The following LRRIQ3 variants were observed in gnomAD, a reference collection of about 807,000 sequenced individuals.
The protein encoded by LRRIQ3 is leucine-rich repeat and IQ domain-containing protein 3.
LRRIQ3 carries 75 observed loss-of-function variants against 59.3 expected under a neutral mutation model. The observed-to-expected ratio is 1.26, with a 90% CI of 1.05 to 1.53. The LOEUF (loss-of-function observed/expected upper bound fraction) is 1.53. Ranked by LOEUF, LRRIQ3 falls within the 40% of genes most tolerant of loss-of-function variation. LRRIQ3 has a pLI of 0.00. For synonymous variants in LRRIQ3, 250 were observed against 231.3 expected, an observed-to-expected ratio of 1.08 and a Z score of -0.73; for missense variants, 831 against 710.0, an observed-to-expected ratio of 1.17 and a Z score of -1.94.
chr1:74,143,832 G>C (rs1416635372), intron 4 of LRRIQ3, among the ~76,000 whole-genome samples: 1 of 151,306 alleles, frequency 6.6e-6, no homozygotes, highest in Non-Finnish European at 1.5e-5. Flanking sequence ...CTAAAAAGTT[G>C]CATATAATGC....
At chr1:74,136,996 T>C (rs1209904107) in intron 4 of LRRIQ3, among the ~76,000 whole-genome samples, 3 of 152,014 alleles carry the variant, frequency 2.0e-5, no homozygotes, top group Non-Finnish European at 4.4e-5. Context: ...TTAAGTATTT[T>C]ACAAGTATAA....
intron 5 of LRRIQ3, among the ~76,000 whole-genome samples, chr1:74,079,314 G>A (rs1215587772): frequency 6.6e-6 from 1 of 151,428 alleles, no homozygotes; most frequent in African/African-American, 2.4e-5. Context: ...TAGATTTAAT[G>A]CAGACTCTTG....
chr1:74,036,165 A>T (rs553715274), intron 7 of LRRIQ3, among the ~76,000 whole-genome samples: 8 of 152,136 alleles, frequency 5.3e-5, no homozygotes, highest in Non-Finnish European at 7.4e-5. Context: ...AATATGGCAC[A>T]TTGGCACACT....
In LRRIQ3 at chr1:74,070,114, A is replaced by T. The variant is rs150753582; in HGVS notation, c.997+4547T>A. On this transcript the variant is annotated intron_variant, in intron 6 of 7. Transcript: ENST00000354431. ...AATTACTATTTGGCCTAGCAATTCC[A>T]TTATTGGACATTGGACATATACCCA... 2.6e-5 allele frequency among the ~76,000 whole-genome samples: 4 copies of T among 152,222 alleles called. No individual in the cohort carries two copies. In the East Asian group the frequency reaches 7.7e-4, roughly 29 times the overall value.
chr1:74,103,187 T>A (rs938494832), intron 5 of LRRIQ3, among the ~76,000 whole-genome samples: 1 of 151,936 alleles, frequency 6.6e-6, no homozygotes, highest in Admixed American at 6.6e-5. Context: ...ACTTCATTGT[T>A]TATATTTCCC....
chr1:74,052,627 C>G (rs779402168), intron 6 of LRRIQ3, among the ~76,000 whole-genome samples: 9 of 152,082 alleles, frequency 5.9e-5, no homozygotes, highest in Non-Finnish European at 1.0e-4. Context: ...ACACTCTGGG[C>G]AGAGAGCGGT....
intron 4 of LRRIQ3, among the ~76,000 whole-genome samples, chr1:74,130,978 C>T (rs1214114376): frequency 1.3e-5 from 2 of 151,914 alleles, no homozygotes; most frequent in Non-Finnish European, 2.9e-5. Flanking sequence ...AATTGATAGA[C>T]CACCAGCAAG....
intron 7 of LRRIQ3, among the ~76,000 whole-genome samples, chr1:74,040,578 C>G (rs2100385881): frequency 6.6e-6 from 1 of 152,250 alleles, no homozygotes; most frequent in East Asian, 1.9e-4. Flanking sequence ...GAACTGAAAT[C>G]ATAGCAAACA....
Position 74,121,830 on chromosome 1 carries a change from A to G in LRRIQ3, c.708-12277T>C, listed in dbSNP as rs565365349. On this transcript the variant is annotated intron_variant, in intron 4 of 7. Coordinates refer to ENST00000354431, the MANE Select transcript of LRRIQ3 (RefSeq NM_001105659.2). ...TTCCCACCTATGAGTGAGAACATGC[A>G]GTTTTTGGTTTTTTGTCCTTGCGAC... Among the ~76,000 whole-genome samples the G allele has an allele frequency of 3.3e-3, 477 of 144,896 alleles. 1 individual carries two copies. Among genetic ancestry groups the G allele is most frequent in the Non-Finnish European group, 5.2e-3 (349 of 67,016 alleles).
intron 4 of LRRIQ3, among the ~76,000 whole-genome samples, chr1:74,127,103 T>C (rs1646946707): frequency 6.6e-6 from 1 of 151,992 alleles, no homozygotes; most frequent in South Asian, 2.1e-4. Flanking sequence ...CATTATATAA[T>C]AACCTTCTTT....
chr1:74,085,570 T>C (rs539487066), intron 5 of LRRIQ3, among the ~76,000 whole-genome samples: 3 of 151,968 alleles, frequency 2.0e-5, no homozygotes, highest in South Asian at 2.1e-4. Flanking sequence ...TTATTTACCA[T>C]TGCAAGTTGA....
intron 3 of LRRIQ3, among the ~76,000 whole-genome samples, chr1:74,173,911 G>GT (rs964009216): frequency 6.6e-6 from 1 of 151,850 alleles, no homozygotes; most frequent in Non-Finnish European, 1.5e-5. Flanking sequence ...CACGTTTTGG[G>GT]TTTTTTATTG....
chr1:74,067,902 CTTTTA>C (rs1252709704), intron 6 of LRRIQ3, among the ~76,000 whole-genome samples: 3 of 151,982 alleles, frequency 2.0e-5, no homozygotes, highest in Non-Finnish European at 4.4e-5. Context: ...TCTTCTTTTT[CTTTTA>C]TTTTGTCTTG....
chr1:74,164,737 C>G (rs1038570081), intron 3 of LRRIQ3, among the ~76,000 whole-genome samples: 2 of 151,486 alleles, frequency 1.3e-5, no homozygotes, highest in Non-Finnish European at 3.0e-5. Flanking sequence ...AGAATTCTGT[C>G]TAGTCCTAGA....
At chr1:74,031,181 C>T (rs1376893583) in intron 7 of LRRIQ3, among the ~76,000 whole-genome samples, 1 of 152,058 alleles carries the variant, frequency 6.6e-6, no homozygotes, top group Admixed American at 6.6e-5. Context: ...AGACTAGTTC[C>T]ACCATTGTGG....
intron 4 of LRRIQ3, among the ~76,000 whole-genome samples, chr1:74,130,904 A>G (rs964466567): frequency 4.6e-5 from 7 of 152,282 alleles, no homozygotes; most frequent in African/African-American, 1.7e-4. Flanking sequence ...AAGGAGATAA[A>G]GACACAAAAA....
intron 1 of LRRIQ3, among the ~76,000 whole-genome samples, chr1:74,185,104 AGTGCTATAAAAATTTAT>A (rs1169981169): frequency 1.3e-5 from 2 of 152,224 alleles, no homozygotes; most frequent in Non-Finnish European, 2.9e-5. Flanking sequence ...TATGAATAAA[AGTGCTATAAAAATTTAT>A]GTGCAGGTTT....
intron 1 of LRRIQ3, among the ~76,000 whole-genome samples, chr1:74,194,761 C>T (rs1306385993): frequency 6.6e-6 from 1 of 152,096 alleles, no homozygotes; most frequent in East Asian, 1.9e-4. Context: ...TCTTCTAGCC[C>T]AAAACATTCC....
chr1:74,099,111 T>C (rs1436156808), intron 5 of LRRIQ3, among the ~76,000 whole-genome samples: 3 of 151,824 alleles, frequency 2.0e-5, no homozygotes, highest in African/African-American at 7.3e-5. Context: ...ATCAATGAAT[T>C]CAGGAGCTGG....
Sources: allele counts gnomAD v4.1 joint callset (sites outside exome capture counted in the v4.1 genomes callset), GRCh38; gene constraint gnomAD v4.1.1; transcripts MANE v1.5; gene names NCBI Gene and HGNC (gene_info 2026-07-23, HGNC 2026-07-21).